PCDHGB6: variants seen among roughly 807,000 people sequenced by gnomAD.
PCDHGB6 encodes protocadherin gamma subfamily B, 6.
PCDHGB6 carries 51 observed loss-of-function variants against 59.1 expected under a neutral mutation model. The observed-to-expected ratio is 0.86, with a 90% CI of 0.69 to 1.09. The LOEUF (loss-of-function observed/expected upper bound fraction) is 1.09. Ranked by LOEUF, PCDHGB6 falls within the 50% of genes least tolerant of loss-of-function variation. The pLI, the probability that PCDHGB6 is intolerant of heterozygous loss-of-function variation, is 0.00. For synonymous variants in PCDHGB6, 466 were observed against 495.1 expected (o/e 0.94, Z 0.78); for missense variants, 1,148 against 1,205.1 (o/e 0.95, Z 0.70).
chr5:141,477,007 A>C lies in PCDHGB6; in HGVS notation c.2419-17800A>C, dbSNP rs891158982. The C allele has an allele frequency of 1.9e-6, 3 of 1,614,258 alleles. No individual in the cohort carries two copies. The Admixed American group carries it at 5.0e-5, about 27-fold the overall frequency. ...CCGGCGTGCGGCAACTATTCGCCTT[A>C]GACCTTGTAACCGGGATGCTGACAA... On this transcript the variant is annotated intron_variant, in intron 1 of 3. Coordinates refer to ENST00000520790, the MANE Select transcript of PCDHGB6 (RefSeq NM_018926.3). This position sits in a 1 kb window ranked among gnomAD's most constrained non-coding sequence, Gnocchi z 4.9.
intron 1 of PCDHGB6, among the ~76,000 whole-genome samples, chr5:141,459,324 T>G (rs2098966238): frequency 6.6e-6 from 1 of 152,226 alleles, no homozygotes; most frequent in African/African-American, 2.4e-5. Flanking sequence ...ATCCATCTTC[T>G]TTTACTCCAA....
At chr5:141,422,464 A>G (rs1303001624) in intron 1 of PCDHGB6, 1 of 1,613,502 alleles carries the variant, frequency 6.2e-7, no homozygotes, top group Admixed American at 1.7e-5. Context: ...AGTGCTGGAC[A>G]GGGAGTTGGT....
intron 1 of PCDHGB6, among the ~76,000 whole-genome samples, chr5:141,481,700 T>C (rs1283509788): frequency 2.0e-5 from 3 of 152,034 alleles, no homozygotes; most frequent in Non-Finnish European, 4.4e-5. Context: ...ACGCCTGTAA[T>C]CCCAGCACTT....
Position 141,431,601 on chromosome 5 carries a change from T to G in PCDHGB6, c.2418+20981T>G. 1 of 1,614,202 alleles carries G rather than the reference T, an allele frequency of 6.2e-7. No homozygotes were observed. Among genetic ancestry groups the G allele is most frequent in the Non-Finnish European group, 8.5e-7 (1 of 1,180,032 alleles). On this transcript the variant is annotated intron_variant, in intron 1 of 3. Transcript: ENST00000520790. The surrounding 1 kb of genome is among the most constrained non-coding windows in gnomAD (Gnocchi z 4.8). Reference sequence around the variant, plus strand: ...GTCAATGCGGAAGTGAGGTATTCCTTCCGGTATGTGGACGACAAGGCGGCC... The same window carrying G: ...GTCAATGCGGAAGTGAGGTATTCCTGCCGGTATGTGGACGACAAGGCGGCC...
At chr5:141,438,635 T>TATAC (rs1460604450) in intron 1 of PCDHGB6, among the ~76,000 whole-genome samples, 1 of 33,416 alleles carries the variant, frequency 3.0e-5, no homozygotes, top group Admixed American at 4.2e-4. Context: ...TATATATATA[T>TATAC]ACACACACAC....
chr5:141,432,366 A>T lies in PCDHGB6; in HGVS notation c.2418+21746A>T. The T allele has an allele frequency of 6.2e-7, 1 of 1,614,204 alleles. No homozygotes were observed. Among genetic ancestry groups the T allele is most frequent in the Non-Finnish European group, 8.5e-7 (1 of 1,180,034 alleles). On this transcript the variant is annotated intron_variant, in intron 1 of 3. Coordinates refer to ENST00000520790, the MANE Select transcript of PCDHGB6 (RefSeq NM_018926.3). This position sits in a 1 kb window ranked among gnomAD's most constrained non-coding sequence, Gnocchi z 6.0. Reference sequence around the variant, plus strand: ...TTGCAAGTGAAAGTGATGGCGCGGGACAACGGGCACCCGCCCCTCAGCAGC... The same window carrying T: ...TTGCAAGTGAAAGTGATGGCGCGGGTCAACGGGCACCCGCCCCTCAGCAGC...
In PCDHGB6 at chr5:141,432,330, A is replaced by G. The variant is rs760184218; in HGVS notation, c.2418+21710A>G. 82 of 1,614,134 alleles carry G rather than the reference A, an allele frequency of 5.1e-5. No individual in the cohort carries two copies. The highest frequency in any genetic ancestry group is 6.8e-5 in the Non-Finnish European group (80 of 1,180,048). Reference sequence around the variant, plus strand: ...GCGCTGAGCTCCTTCGACTACGAGCAGTTCCGAGACTTGCAAGTGAAAGTG... The same window carrying G: ...GCGCTGAGCTCCTTCGACTACGAGCGGTTCCGAGACTTGCAAGTGAAAGTG... On this transcript the variant is annotated intron_variant, in intron 1 of 3. Transcript: ENST00000520790. The surrounding 1 kb of genome is among the most constrained non-coding windows in gnomAD (Gnocchi z 6.0).
intron 1 of PCDHGB6, among the ~76,000 whole-genome samples, chr5:141,446,411 G>A (rs778985047): frequency 1.3e-5 from 2 of 152,086 alleles, no homozygotes; most frequent in Non-Finnish European, 2.9e-5. Flanking sequence ...TTGAGTTCCA[G>A]CCATGTTCAT....
chr5:141,492,384 C>G (rs1001189412), intron 1 of PCDHGB6, among the ~76,000 whole-genome samples: 1 of 152,230 alleles, frequency 6.6e-6, no homozygotes, highest in Non-Finnish European at 1.5e-5. Context: ...AGGCCTGTTC[C>G]GGTCCACTCG....
intron 1 of PCDHGB6, chr5:141,441,702 A>G: frequency 3.2e-6 from 1 of 309,906 alleles, no homozygotes. Context: ...GCGAGCCTTC[A>G]AGCTCACGCT....
chr5:141,511,486 TC>T lies in PCDHGB6; in HGVS notation c.*315del. The T allele has an allele frequency of 2.2e-6, 1 of 449,906 alleles. No homozygotes were observed. 27.9% of individuals were successfully genotyped at this position (449,906 alleles called of 1,614,324 possible). A position where few individuals can be genotyped will look rare whatever the true frequency, so the allele number is the denominator to read the frequency against. On this transcript the variant is annotated 3_prime_UTR_variant, in exon 4 of 4. Transcript: ENST00000520790. ...CCCCGTTTAGTTACAGCTGAACTCC[TC>T]CATCTTCCAAATCAATCAGGCCCAT...
chr5:141,437,116 GA>G (rs914218907), intron 1 of PCDHGB6, among the ~76,000 whole-genome samples: 4 of 152,150 alleles, frequency 2.6e-5, no homozygotes, highest in African/African-American at 9.7e-5. Flanking sequence ...GGATTTTTAG[GA>G]CACTTGTTGA....
rs774898388 is a variant in PCDHGB6, at chr5:141,491,593, A to G, written c.2419-3214A>G. 6.8e-6 allele frequency: 11 copies of G among 1,613,918 alleles called. No individual in the cohort carries two copies. In the Admixed American group the frequency reaches 1.2e-4, roughly 17 times the overall value. Reference sequence around the variant, plus strand: ...GTGCTTTTCACCGGCCTCGGACGGCAGTGACTTCACTTTTCTAAGACCCCT... The same window carrying G: ...GTGCTTTTCACCGGCCTCGGACGGCGGTGACTTCACTTTTCTAAGACCCCT... On this transcript the variant is annotated intron_variant, in intron 1 of 3. Transcript: ENST00000520790. This position sits in a 1 kb window ranked among gnomAD's most constrained non-coding sequence, Gnocchi z 6.9.
In PCDHGB6 at chr5:141,409,396, C is replaced by A; in HGVS notation, c.1194C>A (p.Ser398=). The change falls in exon 1 of 4, where the codon TCC becomes TCA. Residue 398 remains serine (S), a synonymous_variant. Transcript: ENST00000520790. ...TDIPFKIYSS[S]NNYYKLVTDG... ...TTCCATTCAAGATTTATTCTTCTTC[C>A]AATAACTACTACAAACTGGTGACAG... 6.2e-7 allele frequency: 1 copy of A among 1,614,004 alleles called. No homozygotes were observed. The highest frequency in any genetic ancestry group is 8.5e-7 in the Non-Finnish European group (1 of 1,179,884).
chr5:141,504,790 CT>C (rs1204741124), intron 2 of PCDHGB6, among the ~76,000 whole-genome samples: 15 of 152,080 alleles, frequency 9.9e-5, no homozygotes, highest in Admixed American at 3.9e-4. Context: ...TTGGGGCCTC[CT>C]ACATCTCCCC....
chr5:141,443,029 C>A (rs1281303741), intron 1 of PCDHGB6, among the ~76,000 whole-genome samples: 1 of 152,192 alleles, frequency 6.6e-6, no homozygotes, highest in Admixed American at 6.5e-5. Flanking sequence ...AGTTGCCAGA[C>A]CTAAACTTTG....
At chr5:141,478,788 T>A (rs576491824) in intron 1 of PCDHGB6, 147 of 1,473,736 alleles carry the variant, frequency 1.0e-4, no homozygotes, top group Non-Finnish European at 1.3e-4. Context: ...CTAATTCACA[T>A]CCTCAGCACT....
At chr5:141,430,589 G>A in intron 1 of PCDHGB6, 1 of 529,266 alleles carries the variant, frequency 1.9e-6, no homozygotes, top group Non-Finnish European at 3.1e-6. Context: ...TGCTCGCCTT[G>A]CACGCGCCTG....
intron 1 of PCDHGB6, among the ~76,000 whole-genome samples, chr5:141,454,932 C>T (rs945154196): frequency 1.3e-5 from 2 of 150,768 alleles, no homozygotes; most frequent in African/African-American, 2.4e-5. Context: ...CTCAGCCTCC[C>T]GAGTAGCTGG....
Sources: gnomAD v4.1 joint callset for allele counts (sites outside exome capture counted in the v4.1 genomes callset) on GRCh38, gnomAD v4.1.1 for gene constraint, Gnocchi (gnomAD v3.1) non-coding constraint, MANE v1.5 for transcripts, NCBI Gene and HGNC (gene_info 2026-07-23, HGNC 2026-07-21) for gene names.